The following EPYC variants were observed in gnomAD, a reference collection of about 807,000 sequenced individuals.
EPYC encodes the protein dermatan sulfate proteoglycan 3.
A neutral mutation model predicts 30.1 loss-of-function variants in EPYC; 28 were observed. The ratio of observed to expected loss-of-function variants is 0.93; its 90% CI spans 0.69 to 1.28. The LOEUF is 1.28. EPYC is among the 50% of genes most tolerant of loss of function. EPYC has a pLI of 0.00. For synonymous variants in EPYC, 144 were observed against 141.4 expected (o/e 1.02, Z -0.13); for missense variants, 382 against 383.5 (o/e 1.00, Z 0.03).
chr12:90,966,054 C>G (rs752187243), intron 6 of EPYC, among the ~76,000 whole-genome samples: 10 of 151,902 alleles, frequency 6.6e-5, no homozygotes, highest in Non-Finnish European at 1.3e-4. Context: ...TTTTTATATG[C>G]AAGATTATGT....
intron 5 of EPYC, among the ~76,000 whole-genome samples, chr12:90,971,213 G>A (rs1471369468): frequency 6.6e-6 from 1 of 152,166 alleles, no homozygotes; most frequent in African/African-American, 2.4e-5. Context: ...TGGTGCTTCT[G>A]TAGATGGTGC....
chr12:90,986,688 A>G (rs2120844349), intron 2 of EPYC, among the ~76,000 whole-genome samples: 1 of 152,284 alleles, frequency 6.6e-6, no homozygotes, highest in Middle Eastern at 3.4e-3. Flanking sequence ...TCCAGCCAGC[A>G]CTGTACCAAC....
chr12:90,980,594 G>A (rs539656138), intron 2 of EPYC, among the ~76,000 whole-genome samples: 180 of 152,204 alleles, frequency 1.2e-3, no homozygotes, highest in Non-Finnish European at 2.1e-3. Flanking sequence ...ACAAAAAATA[G>A]TCCAGGGAAA....
intron 6 of EPYC, among the ~76,000 whole-genome samples, chr12:90,968,149 A>C (rs780272155): frequency 1.3e-5 from 2 of 152,100 alleles, no homozygotes; most frequent in African/African-American, 2.4e-5. Context: ...TAACCCTCTT[A>C]TCATTATAAA....
intron 2 of EPYC, among the ~76,000 whole-genome samples, chr12:90,987,134 T>A (rs2120845195): frequency 6.6e-6 from 1 of 152,268 alleles, no homozygotes; most frequent in South Asian, 2.1e-4. Flanking sequence ...CACTGTCATT[T>A]TAAAATTTAC....
At chr12:90,991,526 A>G (rs1877585217) in intron 2 of EPYC, among the ~76,000 whole-genome samples, 1 of 152,214 alleles carries the variant, frequency 6.6e-6, no homozygotes, top group Non-Finnish European at 1.5e-5. Context: ...GATTTATGAA[A>G]TGTAGTGAAC....
rs770256335 is a variant in EPYC, at chr12:90,978,192, G to A, written c.236C>T (p.Ala79Val). Residue 79 changes from alanine (A) to valine (V), a missense_variant, in exon 3 of 7, where the codon GCC becomes GTC. Ala to Val is a moderately conservative substitution (Grantham distance 64, BLOSUM62 0). Transcript: ENST00000261172. ...TTCCTCCTCCTCTTCCTCTTCCTGG[G>A]CCTTCTCAGGCTGTGGGGGTGGAGT... ...LLTPPPQPEKAQEEEEEEEST... is the reference protein window; with the variant it reads ...LLTPPPQPEKVQEEEEEEEST... The A allele has an allele frequency of 1.1e-5, 18 of 1,605,588 alleles. No individual in the cohort carries two copies. The Middle Eastern group carries it at 6.7e-4, about 60-fold the overall frequency.
At chr12:90,984,746 C>T (rs1304336073) in intron 2 of EPYC, among the ~76,000 whole-genome samples, 3 of 152,086 alleles carry the variant, frequency 2.0e-5, no homozygotes, top group African/African-American at 7.2e-5. Flanking sequence ...TATTAATAAG[C>T]CTCCTCTAAT....
At chr12:90,973,228 A>T (rs542022966) in intron 3 of EPYC, among the ~76,000 whole-genome samples, 57 of 151,968 alleles carry the variant, frequency 3.8e-4, no homozygotes, top group Admixed American at 9.2e-4. Context: ...TAGAAATTCT[A>T]TATTCAAAAT....
intron 2 of EPYC, among the ~76,000 whole-genome samples, chr12:90,981,069 T>C (rs1361661372): frequency 2.0e-5 from 3 of 152,142 alleles, no homozygotes; most frequent in East Asian, 3.9e-4. Context: ...TATATCATGG[T>C]AGCCTTTGCT....
chr12:90,982,568 C>A (rs1322057120), intron 2 of EPYC, among the ~76,000 whole-genome samples: 1 of 151,942 alleles, frequency 6.6e-6, no homozygotes, highest in Non-Finnish European at 1.5e-5. Flanking sequence ...CTGTATTTGC[C>A]TATTCTGGAC....
chr12:90,990,094 T>A (rs1877547202), intron 2 of EPYC, among the ~76,000 whole-genome samples: 1 of 151,968 alleles, frequency 6.6e-6, no homozygotes, highest in African/African-American at 2.4e-5. Flanking sequence ...TCAGTCACAG[T>A]AATTGAAAAC....
intron 3 of EPYC, among the ~76,000 whole-genome samples, chr12:90,974,209 G>A (rs981831157): frequency 7.2e-5 from 11 of 152,106 alleles, no homozygotes; most frequent in African/African-American, 2.4e-4. Flanking sequence ...GAGGCCATGT[G>A]GGGAGAGAGT....
At chr12:90,976,619 C>T (rs914414115) in intron 3 of EPYC, among the ~76,000 whole-genome samples, 3 of 152,026 alleles carry the variant, frequency 2.0e-5, no homozygotes, top group Admixed American at 1.3e-4. Flanking sequence ...TAATATTGCT[C>T]CTCCCTCTCT....
At chr12:90,995,567 T>A (rs1311526554) in intron 2 of EPYC, among the ~76,000 whole-genome samples, 10 of 151,902 alleles carry the variant, frequency 6.6e-5, no homozygotes, top group African/African-American at 2.4e-4. Context: ...CGGGGCAAAA[T>A]TCTGTTCTGC....
At chr12:90,989,116 T>C (rs964115780) in intron 2 of EPYC, among the ~76,000 whole-genome samples, 1 of 152,076 alleles carries the variant, frequency 6.6e-6, no homozygotes, top group African/African-American at 2.4e-5. Context: ...CCTATATCAA[T>C]GTTAAATAAA....
intron 2 of EPYC, among the ~76,000 whole-genome samples, chr12:90,998,313 T>A (rs1877742755): frequency 6.6e-6 from 1 of 152,088 alleles, no homozygotes; most frequent in African/African-American, 2.4e-5. Context: ...GCTGCAACCA[T>A]TTTATGTCAC....
At chr12:91,000,763 T>C (rs1356483286) in intron 2 of EPYC, among the ~76,000 whole-genome samples, 1 of 150,990 alleles carries the variant, frequency 6.6e-6, no homozygotes, top group Admixed American at 6.7e-5. Flanking sequence ...ATGTTTAATT[T>C]GATAGATAAA....
chr12:90,973,600 T>C (rs1356293530), intron 3 of EPYC, among the ~76,000 whole-genome samples: 2 of 152,164 alleles, frequency 1.3e-5, no homozygotes, highest in Non-Finnish European at 2.9e-5. Flanking sequence ...GGAAGGCATC[T>C]CTGAAGTGAA....
Sources: allele counts gnomAD v4.1 joint callset (sites outside exome capture counted in the v4.1 genomes callset), GRCh38; gene constraint gnomAD v4.1.1; transcripts MANE v1.5; gene names NCBI Gene and HGNC (gene_info 2026-07-23, HGNC 2026-07-21).